Variants in CALCOCO1 observed in about 807,000 individuals in gnomAD.
CALCOCO1 encodes the protein calcium-binding and coiled-coil domain-containing protein 1.
Under a neutral mutation model 86.3 loss-of-function variants are expected in CALCOCO1, and 44 were observed. That is an observed-to-expected ratio of 0.51 (90% CI 0.40 to 0.66). The LOEUF (loss-of-function observed/expected upper bound fraction) is 0.66, where lower values mean the gene tolerates loss of function less well. Among genes scored for constraint, CALCOCO1 ranks in the 30% least tolerant of loss-of-function variants. The probability of loss-of-function intolerance (pLI) is 0.00; values close to 1 mark genes in which losing one functional copy is unlikely to be tolerated. For synonymous variants in CALCOCO1, 297 were observed against 327.6 expected, an observed-to-expected ratio of 0.91 and a Z score of 1.01; for missense variants, 708 against 851.1, an observed-to-expected ratio of 0.83 and a Z score of 2.09.
At chr12:53,721,383 A>T in intron 6 of CALCOCO1, 84 bp downstream of exon 6, 2 of 1,228,216 alleles carry the variant, frequency 1.6e-6, no homozygotes, top group Non-Finnish European at 2.3e-6. Context: ...GGCAGACAGC[A>T]GGTCTGCTTG....
intron 9 of CALCOCO1, 95 bp from the exon 10 acceptor site, chr12:53,715,420 T>C (rs1415292551): frequency 1.3e-6 from 2 of 1,492,062 alleles, no homozygotes; most frequent in Non-Finnish European, 1.8e-6. Context: ...GTCCTTTCCT[T>C]TATTTAAAGC....
intron 6 of CALCOCO1, 119 bp from the exon 7 acceptor site, chr12:53,719,948 G>A (rs1405886034): frequency 3.3e-6 from 2 of 602,848 alleles, no homozygotes; most frequent in Middle Eastern, 9.0e-4. Flanking sequence ...TTTCACTCTG[G>A]GATGCATAAA....
chr12:53,724,225 T>A, intron 3 of CALCOCO1: 1 of 425,862 alleles, frequency 2.3e-6, no homozygotes, highest in South Asian at 1.7e-5. Context: ...CCTCGTAATG[T>A]CCCTATAAGC....
chr12:53,722,219 T>A (rs1565648950), intron 4 of CALCOCO1, 36 bp from the exon 5 acceptor site: 1 of 1,607,998 alleles, frequency 6.2e-7, no homozygotes, highest in Non-Finnish European at 8.5e-7. Context: ...AGTGTGCTGG[T>A]GGAGTACCCC....
chr12:53,722,229 C>T (rs1434773775), intron 4 of CALCOCO1, 46 bp from the exon 5 acceptor site: 2 of 1,603,736 alleles, frequency 1.2e-6, no homozygotes, highest in East Asian at 2.2e-5. Flanking sequence ...TGGAGTACCC[C>T]TTCTAAGGTC....
rs1373492534 is a variant in CALCOCO1, at chr12:53,710,202, G to C, written c.*1742C>G. ...TAAAGAGGGGTTGGGATGGAGAGAG[G>C]AGAGATCCATTATCTCTAATTTCCT... On this transcript the variant is annotated 3_prime_UTR_variant, in exon 15 of 15. Transcript: ENST00000550804. 6.6e-6 allele frequency: 1 copy of C among 152,228 alleles called. No homozygotes were observed. Among genetic ancestry groups the C allele is most frequent in the African/African-American group, 2.4e-5 (1 of 41,454 alleles). 9.4% of individuals were successfully genotyped at this position (152,228 alleles called of 1,614,324 possible). A position where few individuals can be genotyped will look rare whatever the true frequency, so the allele number is the denominator to read the frequency against.
chr12:53,724,901 G>A (rs947517307), intron 2 of CALCOCO1, 154 bp from the exon 3 acceptor site: 4 of 843,678 alleles, frequency 4.7e-6, no homozygotes, highest in Non-Finnish European at 7.3e-6. Context: ...TAATGTGTCA[G>A]TAAAGAACAA....
chr12:53,715,089 A>C, intron 10 of CALCOCO1, 111 bp downstream of exon 10: 3 of 1,333,048 alleles, frequency 2.3e-6, no homozygotes, highest in Non-Finnish European at 3.1e-6. Flanking sequence ...AATGCCACCC[A>C]ACATGGTAGT....
At chr12:53,713,379 C>G (rs3741656) in intron 13 of CALCOCO1, among the ~76,000 whole-genome samples, 173 bp from the exon 14 acceptor site, 21,471 of 152,066 alleles carry the variant, frequency 0.14, 1,665 homozygotes, top group South Asian at 0.22. Context: ...AAGAGAATGA[C>G]TGTGGGGGAG....
chr12:53,719,938 T>C, intron 6 of CALCOCO1, 109 bp from the exon 7 acceptor site: 1 of 669,720 alleles, frequency 1.5e-6, no homozygotes, highest in Non-Finnish European at 2.6e-6. Context: ...CAGAGCTCCA[T>C]TTCACTCTGG....
chr12:53,726,853 G>A (rs1402105656), intron 1 of CALCOCO1, among the ~76,000 whole-genome samples: 1 of 152,106 alleles, frequency 6.6e-6, no homozygotes, highest in Non-Finnish European at 1.5e-5. Flanking sequence ...ACCCCACAAA[G>A]AAAATCCGTA....
chr12:53,721,389 G>T, intron 6 of CALCOCO1, 78 bp downstream of exon 6: 1 of 1,338,282 alleles, frequency 7.5e-7, no homozygotes, highest in Non-Finnish European at 1.0e-6. Context: ...CAGCAGGTCT[G>T]CTTGCCTGAG....
chr12:53,723,323 G>A (rs1440191724), intron 4 of CALCOCO1, among the ~76,000 whole-genome samples: 1 of 152,146 alleles, frequency 6.6e-6, no homozygotes, highest in Non-Finnish European at 1.5e-5. Context: ...TAGGGCATAG[G>A]GCAGGATGCA....
chr12:53,713,721 C>CT lies in CALCOCO1; in HGVS notation c.1770_1771insA (p.Glu591ArgfsTer4), dbSNP rs1300862309. 6.3e-7 allele frequency: 1 copy of CT among 1,580,670 alleles called. No individual in the cohort carries two copies. Among genetic ancestry groups the CT allele is most frequent in the African/African-American group, 1.4e-5 (1 of 73,804 alleles). On this transcript the variant is annotated frameshift_variant, in exon 13 of 15. Coordinates refer to ENST00000550804, the MANE Select transcript of CALCOCO1 (RefSeq NM_020898.3). LOFTEE classifies it high-confidence loss of function. Reference sequence around the variant, plus strand: ...CTCACCGAGTCAGAGCTACTGTCCTCAGCTGGCCCAGAGAGGTGAGGAGAA... The same window carrying CT: ...CTCACCGAGTCAGAGCTACTGTCCTCTAGCTGGCCCAGAGAGGTGAGGAGAA...
intron 1 of CALCOCO1, chr12:53,725,671 T>A (rs1330567283): frequency 6.5e-6 from 1 of 153,778 alleles, no homozygotes; most frequent in Non-Finnish European, 1.4e-5. Flanking sequence ...GGCCCTCTCA[T>A]TGAGAGAGGT....
rs970075300 is a variant in CALCOCO1 at position 53,715,058 on chromosome 12, A to G, written c.1386+142T>C. On this transcript the variant is annotated intron_variant, in intron 10 of 14. Coordinates refer to ENST00000550804, the MANE Select transcript of CALCOCO1 (RefSeq NM_020898.3). Reference sequence around the variant, plus strand: ...AAAAAATGCACATTTCAAACCAATGAGGGCTTGCGTGTGCAAGTGAAATGC... The same window carrying G: ...AAAAAATGCACATTTCAAACCAATGGGGGCTTGCGTGTGCAAGTGAAATGC... The G allele has an allele frequency of 9.9e-6, 10 of 1,006,972 alleles. No homozygotes were observed. The African/African-American group carries it at 1.5e-4, about 15-fold the overall frequency. 62.4% of individuals were successfully genotyped at this position (1,006,972 alleles called of 1,614,324 possible). A position where few individuals can be genotyped will look rare whatever the true frequency, so the allele number is the denominator to read the frequency against.
chr12:53,724,787 A>T, intron 2 of CALCOCO1, 40 bp from the exon 3 acceptor site: 1 of 1,495,924 alleles, frequency 6.7e-7, no homozygotes, highest in Non-Finnish European at 9.2e-7. Context: ...TGGTCATGGA[A>T]CTACCTTCTA....
intron 7 of CALCOCO1, 143 bp from the exon 8 acceptor site, chr12:53,716,558 TG>T: frequency 1.2e-6 from 1 of 824,374 alleles, no homozygotes; most frequent in South Asian, 1.8e-5. Context: ...CAGCCCTTCT[TG>T]GGTTCTCAGC....
chr12:53,711,536 A>T lies in CALCOCO1; in HGVS notation c.*408T>A, dbSNP rs1435963817. On this transcript the variant is annotated 3_prime_UTR_variant, in exon 15 of 15. Coordinates refer to ENST00000550804, the MANE Select transcript of CALCOCO1 (RefSeq NM_020898.3). ...TAAACCAACGGAAACTCCAAATAAG[A>T]GAGGGTAGGGTGCCCCAGGAATTGG... 6.5e-6 allele frequency: 2 copies of T among 307,990 alleles called. No individual in the cohort carries two copies. Among genetic ancestry groups the T allele is most frequent in the African/African-American group, 4.3e-5 (2 of 46,284 alleles). 19.1% of individuals were successfully genotyped at this position (307,990 alleles called of 1,614,324 possible). A position where few individuals can be genotyped will look rare whatever the true frequency, so the allele number is the denominator to read the frequency against.
Sources: allele counts gnomAD v4.1 joint callset (sites outside exome capture counted in the v4.1 genomes callset), GRCh38; gene constraint gnomAD v4.1.1; transcripts MANE v1.5; gene names NCBI Gene and HGNC (gene_info 2026-07-23, HGNC 2026-07-21).